The following TRPM8 variants were observed in gnomAD, a reference collection of about 807,000 sequenced individuals.
TRPM8 encodes transient receptor potential cation channel subfamily M member 8.
Under a neutral mutation model 133.7 loss-of-function variants are expected in TRPM8, and 110 were observed. The ratio of observed to expected loss-of-function variants is 0.82; its 90% CI spans 0.70 to 0.96. The LOEUF (loss-of-function observed/expected upper bound fraction) is 0.96. TRPM8 is among the 40% of genes least tolerant of loss of function. The probability of loss-of-function intolerance (pLI) is 0.00; values close to 1 mark genes in which losing one functional copy is unlikely to be tolerated. For missense variants in TRPM8, 1,291 were observed against 1,379.5 expected (o/e 0.94, Z 1.02); for synonymous variants, 535 against 532.3 (o/e 1.01, Z -0.07).
At chr2:233,939,261 TC>T in intron 5 of TRPM8, 86 bp downstream of exon 5, 1 of 1,429,570 alleles carries the variant, frequency 7.0e-7, no homozygotes, top group Admixed American at 2.0e-5. Flanking sequence ...CGTGTGCAAT[TC>T]CGGAGAATCC....
chr2:233,990,258 C>G lies in TRPM8; in HGVS notation c.2939+4393C>G, dbSNP rs1321497250. Among the ~76,000 whole-genome samples the G allele has an allele frequency of 1.3e-5, 2 of 152,060 alleles. 1 individual carries two copies. Among genetic ancestry groups the G allele is most frequent in the Admixed American group, 1.3e-4 (2 of 15,276 alleles). Reference sequence around the variant, plus strand: ...TCTGTGTAGGTGTGTAGCCGGTGGGCTAGTTCAGGTTCTTGACTTTGGGAC... The same window carrying G: ...TCTGTGTAGGTGTGTAGCCGGTGGGGTAGTTCAGGTTCTTGACTTTGGGAC... On this transcript the variant is annotated intron_variant, in intron 21 of 25. Transcript: ENST00000324695.
At position 233,953,912 on chromosome 2, in the gene TRPM8, G is replaced by A. The variant is rs199620206; in HGVS notation, c.1141-5G>A. On this transcript the variant is annotated splice_region_variant and splice_polypyrimidine_tract_variant and intron_variant, in intron 9 of 25. Transcript: ENST00000324695. Reference sequence around the variant, plus strand: ...GGCTGACACTTTGTTCTTTAATTTCGCCAGCTCAAAGAAATTCTCGAATGT... The same window carrying A: ...GGCTGACACTTTGTTCTTTAATTTCACCAGCTCAAAGAAATTCTCGAATGT... 25 of 1,607,814 alleles carry A rather than the reference G, an allele frequency of 1.6e-5. 1 individual carries two copies. Among genetic ancestry groups the A allele is most frequent in the South Asian group, 7.8e-5 (7 of 89,568 alleles).
chr2:233,994,063 C>T (rs1692345853), intron 21 of TRPM8, among the ~76,000 whole-genome samples: 2 of 152,216 alleles, frequency 1.3e-5, no homozygotes, highest in South Asian at 4.2e-4. Context: ...AGGTTAAATT[C>T]CCCAAACTCG....
chr2:234,001,097 A>G (rs1363718541), intron 22 of TRPM8, among the ~76,000 whole-genome samples: 2 of 152,214 alleles, frequency 1.3e-5, no homozygotes, highest in African/African-American at 4.8e-5. Flanking sequence ...AGGCCTATGC[A>G]TTCACATTTC....
At chr2:233,997,676 C>A (rs1047420347) in intron 22 of TRPM8, among the ~76,000 whole-genome samples, 2 of 152,144 alleles carry the variant, frequency 1.3e-5, no homozygotes, top group Non-Finnish European at 1.5e-5. Context: ...CTCCCCCCTA[C>A]CCCAGCCTCT....
chr2:233,919,069 T>G (rs1691358237), intron 1 of TRPM8, among the ~76,000 whole-genome samples: 3 of 151,980 alleles, frequency 2.0e-5, no homozygotes, highest in Non-Finnish European at 2.9e-5. Context: ...AGAAAGAGAC[T>G]TAGAACTAGA....
Position 233,960,771 on chromosome 2 carries a change from C to T in TRPM8, c.1363-5C>T, listed in dbSNP as rs902966246. The T allele has an allele frequency of 1.9e-6, 3 of 1,613,010 alleles. No individual in the cohort carries two copies. Among genetic ancestry groups the T allele is most frequent in the Non-Finnish European group, 2.5e-6 (3 of 1,179,222 alleles). ...GTTAGTACTGTCTCTGTTCTTTCTC[C>T]TTAGTCTGCTGACCTTCAAGAAGTC... On this transcript the variant is annotated splice_region_variant and splice_polypyrimidine_tract_variant and intron_variant, in intron 11 of 25. Coordinates refer to ENST00000324695, the MANE Select transcript of TRPM8 (RefSeq NM_024080.5).
At chr2:233,954,068 G>T (rs763248452) in intron 10 of TRPM8, 49 bp downstream of exon 10, 22 of 1,357,760 alleles carry the variant, frequency 1.6e-5, no homozygotes, top group African/African-American at 2.9e-5. Context: ...GTTGCCTTCT[G>T]TGGCTTTTCA....
intron 3 of TRPM8, among the ~76,000 whole-genome samples, chr2:233,935,411 G>A (rs1691770926): frequency 6.6e-6 from 1 of 152,190 alleles, no homozygotes; most frequent in South Asian, 2.1e-4. Context: ...TCTGCCAGAG[G>A]GGGATGCCTT....
At chr2:233,924,222 C>G (rs574765396) in intron 1 of TRPM8, among the ~76,000 whole-genome samples, 2 of 152,164 alleles carry the variant, frequency 1.3e-5, no homozygotes, top group African/African-American at 4.8e-5. Context: ...GACATCCCAG[C>G]CCTTTGCCCA....
chr2:233,959,691 A>G (rs1018062139), intron 11 of TRPM8, among the ~76,000 whole-genome samples: 5 of 152,150 alleles, frequency 3.3e-5, no homozygotes, highest in African/African-American at 1.2e-4. Context: ...TTGGCAATGG[A>G]ATAAAATTGT....
At chr2:233,985,382 T>A (rs1003089751) in intron 20 of TRPM8, among the ~76,000 whole-genome samples, 3 of 152,206 alleles carry the variant, frequency 2.0e-5, no homozygotes, top group African/African-American at 7.2e-5. Flanking sequence ...ACTTTAAATG[T>A]GTGTGGTTGA....
Position 234,009,941 on chromosome 2 carries a change from A to G in TRPM8, c.3264+1838A>G, listed in dbSNP as rs572405848. Among the ~76,000 whole-genome samples the G allele has an allele frequency of 7.9e-5, 12 of 152,312 alleles. No homozygotes were observed. The South Asian group carries it at 2.5e-3, about 32-fold the overall frequency. The stretch of plus-strand genomic sequence containing the variant: ...GAGCCCAGCTAATTAACATCGTATT[A>G]CTTCTACATATTTACCATCTGTGAG... On this transcript the variant is annotated intron_variant, in intron 24 of 25. Coordinates refer to ENST00000324695, the MANE Select transcript of TRPM8 (RefSeq NM_024080.5).
chr2:233,985,935 G>A (rs1042257758), intron 21 of TRPM8, 70 bp downstream of exon 21: 15 of 1,457,904 alleles, frequency 1.0e-5, no homozygotes, highest in Admixed American at 2.0e-5. Context: ...GGAGGTGCTG[G>A]GAGCATCGCA....
chr2:233,945,971 C>T lies in TRPM8; in HGVS notation c.815C>T (p.Thr272Ile). Reference sequence around the variant, plus strand: ...GACAATGGCTGTCATGGACATCCCACTGTCGAAGCAAAGCTCCGGAATCAG... The same window carrying T: ...GACAATGGCTGTCATGGACATCCCATTGTCGAAGCAAAGCTCCGGAATCAG... ...LVDNGCHGHP[T>I]VEAKLRNQLE... Residue 272 changes from threonine to isoleucine, a missense_variant, in exon 7 of 26, where the codon ACT (threonine) becomes ATT (isoleucine). Around this residue, in one of 2 missense-constraint regions of TRPM8, gnomAD observed 963 missense variants for 968.9 expected, o/e 0.99. Transcript: ENST00000324695. 1 of 1,614,176 alleles carries T rather than the reference C, an allele frequency of 6.2e-7. No homozygotes were observed. Among genetic ancestry groups the T allele is most frequent in the Non-Finnish European group, 8.5e-7 (1 of 1,180,020 alleles).
chr2:233,977,902 A>C (rs1426866715), intron 17 of TRPM8, among the ~76,000 whole-genome samples: 1 of 152,178 alleles, frequency 6.6e-6, no homozygotes, highest in Non-Finnish European at 1.5e-5. Context: ...ATTTAGTTGT[A>C]TAAAATCACA....
rs1693004617 is a variant in TRPM8 at position 234,018,223 on chromosome 2, A to G, written c.*967A>G. 1 of 152,048 alleles carries G rather than the reference A, an allele frequency of 6.6e-6. No homozygotes were observed. The highest frequency in any genetic ancestry group is 1.9e-4 in the East Asian group (1 of 5,198). The allele number at this position is 152,048 out of a possible 1,614,324, so 9.4% of individuals were successfully genotyped here. A position where few individuals can be genotyped will look rare whatever the true frequency, so the allele number is the denominator to read the frequency against. On this transcript the variant is annotated 3_prime_UTR_variant, in exon 26 of 26. Coordinates refer to ENST00000324695, the MANE Select transcript of TRPM8 (RefSeq NM_024080.5). Reference sequence around the variant, plus strand: ...AAGCTTTTTCACTTAGTATTTTATCAAATATGTTTTTATTATATTCATAGC... The same window carrying G: ...AAGCTTTTTCACTTAGTATTTTATCGAATATGTTTTTATTATATTCATAGC...
chr2:233,938,893 T>A lies in TRPM8; in HGVS notation c.349-105T>A. ...CCCTGCTGCCCCCACCCCGCCCCTC[T>A]TCTAGAAGCAGGCAAGCGTGGGCTT... On this transcript the variant is annotated intron_variant, in intron 4 of 25. Transcript: ENST00000324695. 6.8e-6 allele frequency: 9 copies of A among 1,323,156 alleles called. No homozygotes were observed. In the East Asian group the frequency reaches 1.4e-4, roughly 21 times the overall value. The allele number at this position is 1,323,156 out of a possible 1,614,324, so 82.0% of individuals were successfully genotyped here.
chr2:233,999,868 G>A (rs1344524731), intron 22 of TRPM8, among the ~76,000 whole-genome samples: 9 of 152,108 alleles, frequency 5.9e-5, no homozygotes, highest in Non-Finnish European at 8.8e-5. Context: ...CTGAACCCGG[G>A]GAGACTTTCC....
Sources: allele counts gnomAD v4.1 joint callset (sites outside exome capture counted in the v4.1 genomes callset), GRCh38; gene constraint gnomAD v4.1.1; regional missense constraint gnomAD v4.1.1; transcripts MANE v1.5; gene names NCBI Gene and HGNC (gene_info 2026-07-23, HGNC 2026-07-21).